Variants in ADGRL2 observed in about 807,000 individuals in gnomAD.
The protein encoded by ADGRL2 is calcium-independent alpha-latrotoxin receptor 2.
In ADGRL2, 44 loss-of-function variants were observed where a neutral mutation model predicts 157.4. That is an observed-to-expected ratio of 0.28 (90% CI 0.22 to 0.36). The LOEUF is 0.36. Ranked by LOEUF, ADGRL2 falls within the 10% of genes least tolerant of loss-of-function variation. ADGRL2 has a pLI of 1.00. For synonymous variants in ADGRL2, 585 were observed against 624.7 expected, an observed-to-expected ratio of 0.94 and a Z score of 0.95; for missense variants, 1,510 against 1,768.9, an observed-to-expected ratio of 0.85 and a Z score of 2.63.
chr1:81,859,867 T>C (rs2093334726), intron 2 of ADGRL2, among the ~76,000 whole-genome samples: 1 of 152,078 alleles, frequency 6.6e-6, no homozygotes, highest in Admixed American at 6.6e-5. Flanking sequence ...CATTAAAAAT[T>C]ATTAGAAATC....
chr1:81,525,530 C>G (rs867033194), intron 2 of ADGRL2, among the ~76,000 whole-genome samples: 17 of 152,164 alleles, frequency 1.1e-4, no homozygotes, highest in African/African-American at 3.4e-4. Flanking sequence ...ATTGACCAGG[C>G]TGGTCTTGAA....
At chr1:81,594,226 C>A (rs1222435300) in intron 3 of ADGRL2, among the ~76,000 whole-genome samples, 1 of 152,072 alleles carries the variant, frequency 6.6e-6, no homozygotes. Flanking sequence ...AATAAACAAG[C>A]AAATAGGAAT....
At chr1:81,623,383 G>A (rs2081839442) in intron 3 of ADGRL2, among the ~76,000 whole-genome samples, 1 of 152,160 alleles carries the variant, frequency 6.6e-6, no homozygotes, top group African/African-American at 2.4e-5. Context: ...AAGATTAGTG[G>A]TGCTATACAC....
chr1:81,464,136 C>G (rs550137439), intron 2 of ADGRL2, among the ~76,000 whole-genome samples: 1 of 152,250 alleles, frequency 6.6e-6, no homozygotes, highest in Non-Finnish European at 1.5e-5. Flanking sequence ...AGTGGAAACT[C>G]CCGTCAAATA....
upstream of ADGRL2, among the ~76,000 whole-genome samples, chr1:81,799,532 T>C (rs944021905): frequency 1.3e-4 from 20 of 152,210 alleles, no homozygotes; most frequent in African/African-American, 4.6e-4. Context: ...AGTAGTTGGA[T>C]TGGATTTACT....
chr1:81,645,415 A>AT (rs1424410213), intron 3 of ADGRL2, among the ~76,000 whole-genome samples: 3 of 151,312 alleles, frequency 2.0e-5, no homozygotes, highest in Non-Finnish European at 2.9e-5. Flanking sequence ...AAAAAAAAAA[A>AT]AAAATTAAAT....
chr1:81,501,266 A>G (rs1037264579), intron 2 of ADGRL2, among the ~76,000 whole-genome samples: 6 of 152,240 alleles, frequency 3.9e-5, no homozygotes, highest in African/African-American at 1.2e-4. Context: ...CAAACTATGC[A>G]CACATTTTTA....
chr1:81,975,383 G>T lies in ADGRL2; in HGVS notation c.3021+3465G>T, dbSNP rs985499520. On this transcript the variant is annotated intron_variant, in intron 17 of 23. Coordinates refer to ENST00000686636, the MANE Select transcript of ADGRL2 (RefSeq NM_001366006.2). Reference sequence around the variant, plus strand: ...TGCCAAAATATTATGTTTAAACTTCGTAGTATTTACACTGAAAAGAAAAAA... The same window carrying T: ...TGCCAAAATATTATGTTTAAACTTCTTAGTATTTACACTGAAAAGAAAAAA... Among the ~76,000 whole-genome samples the T allele has an allele frequency of 3.8e-4, 58 of 151,976 alleles. 1 individual carries two copies. The highest frequency in any genetic ancestry group is 2.9e-5 in the Non-Finnish European group (2 of 68,010).
intron 2 of ADGRL2, among the ~76,000 whole-genome samples, chr1:81,561,664 T>TG (rs1304614284): frequency 6.6e-6 from 1 of 152,090 alleles, no homozygotes; most frequent in Non-Finnish European, 1.5e-5. Context: ...TTCACCATGT[T>TG]GGCCAGGCTG....
At chr1:81,740,609 C>T (rs1382923347) in intron 1 of ADGRL2, among the ~76,000 whole-genome samples, 1 of 152,104 alleles carries the variant, frequency 6.6e-6, no homozygotes, top group Non-Finnish European at 1.5e-5. Context: ...TCCAGACATA[C>T]ACGGGTACAT....
At chr1:81,703,371 A>C (rs2083634699) in intron 1 of ADGRL2, among the ~76,000 whole-genome samples, 1 of 152,206 alleles carries the variant, frequency 6.6e-6, no homozygotes, top group African/African-American at 2.4e-5. Flanking sequence ...TTAATGGAAC[A>C]GGAGTTGGGG....
chr1:81,472,391 C>T (rs4306172), intron 2 of ADGRL2, among the ~76,000 whole-genome samples: 11,417 of 152,204 alleles, frequency 0.075, 606 homozygotes, highest in South Asian at 0.25. Flanking sequence ...TTTGCGAGGC[C>T]GAGGGCCGAG....
upstream of ADGRL2, among the ~76,000 whole-genome samples, chr1:81,698,454 C>A (rs2083489635): frequency 1.3e-5 from 2 of 152,082 alleles, no homozygotes; most frequent in African/African-American, 4.8e-5. Context: ...ATGTACTGAG[C>A]AAATATTTAT....
chr1:81,825,575 T>G (rs2091399343), intron 1 of ADGRL2, among the ~76,000 whole-genome samples: 2 of 148,622 alleles, frequency 1.3e-5, no homozygotes, highest in South Asian at 4.3e-4. Context: ...GATCTCTCCT[T>G]ACCTTGTGAT....
intron 2 of ADGRL2, among the ~76,000 whole-genome samples, chr1:81,467,870 TATG>T (rs1300674765): frequency 6.6e-6 from 1 of 151,668 alleles, no homozygotes; most frequent in African/African-American, 2.4e-5. Flanking sequence ...TTAAAAATGT[TATG>T]AAGTATAAAT....
At chr1:81,987,925 AT>A in intron 23 of ADGRL2, 39 bp downstream of exon 23, 1 of 323,696 alleles carries the variant, frequency 3.1e-6, no homozygotes, top group Non-Finnish European at 6.5e-6. Flanking sequence ...TCAAATGTAA[AT>A]TTTTTCAGCA....
At chr1:81,479,800 T>A (rs1392162510) in intron 2 of ADGRL2, among the ~76,000 whole-genome samples, 1 of 152,198 alleles carries the variant, frequency 6.6e-6, no homozygotes, top group East Asian at 1.9e-4. Flanking sequence ...GTCTTGTTTC[T>A]AAAGCTTAAA....
chr1:81,953,956 C>T (rs555619863), intron 10 of ADGRL2, among the ~76,000 whole-genome samples: 9 of 152,058 alleles, frequency 5.9e-5, no homozygotes, highest in East Asian at 1.9e-4. Flanking sequence ...GAAAAAATGA[C>T]GTCTCACTAG....
intron 2 of ADGRL2, among the ~76,000 whole-genome samples, chr1:81,885,461 C>G (rs891731063): frequency 6.6e-6 from 1 of 152,190 alleles, no homozygotes; most frequent in Non-Finnish European, 1.5e-5. Context: ...CTTGGTTCCA[C>G]GTCTTATCCA....
Sources: allele counts gnomAD v4.1 joint callset (sites outside exome capture counted in the v4.1 genomes callset), GRCh38; gene constraint gnomAD v4.1.1; transcripts MANE v1.5; gene names NCBI Gene and HGNC (gene_info 2026-07-23, HGNC 2026-07-21).